The following WDR97 variants were observed in gnomAD, a reference collection of about 807,000 sequenced individuals.
The protein encoded by WDR97 is WD repeat-containing protein 97.
A neutral mutation model predicts 65.4 loss-of-function variants in WDR97; 111 were observed. That is an observed-to-expected ratio of 1.70 (90% CI 1.45 to 1.99). The LOEUF (loss-of-function observed/expected upper bound fraction) is 1.99. WDR97 is among the 30% of genes most tolerant of loss of function. The pLI is 0.00. For missense variants in WDR97, 1,674 were observed against 865.0 expected, an observed-to-expected ratio of 1.94 and a Z score of -11.73; for synonymous variants, 802 against 397.7, an observed-to-expected ratio of 2.02 and a Z score of -12.10.
In WDR97 at chr8:144,114,298, G is replaced by A. The variant is rs558993928; in HGVS notation, c.3615G>A (p.Thr1205=). The change falls in exon 19 of 24, where the codon ACG becomes ACA. Residue 1205 remains threonine, a synonymous_variant. Transcript: ENST00000323662. ...FSLQAYPEAG[T]IEGLASLLVA... ...TGCAGGCATACCCGGAGGCGGGCAC[G>A]ATCGAGGGCCTGGCCTCGCTGTTGG... 1.2e-4 allele frequency: 84 copies of A among 701,744 alleles called. No homozygotes were observed. Among genetic ancestry groups the A allele is most frequent in the Middle Eastern group, 6.9e-4 (3 of 4,370 alleles). The allele number at this position is 701,744 out of a possible 1,614,324, so 43.5% of individuals were successfully genotyped here.
Position 144,111,004 on chromosome 8 carries a change from G to A in WDR97, c.2304+8G>A, listed in dbSNP as rs1836536365. 1.4e-6 allele frequency: 1 copy of A among 702,650 alleles called. No homozygotes were observed. Among genetic ancestry groups the A allele is most frequent in the African/African-American group, 1.7e-5 (1 of 57,250 alleles). 43.5% of individuals were successfully genotyped at this position (702,650 alleles called of 1,614,324 possible). The stretch of plus-strand genomic sequence containing the variant: ...ACATCCTACCTAGTTAAGGTGTGTG[G>A]TGAGGACAGAGTGAGCAAGGTGGGC... On this transcript the variant is annotated splice_region_variant and intron_variant, in intron 9 of 23. Transcript: ENST00000323662.
chr8:144,117,751 G>A lies in WDR97; in HGVS notation c.*1458G>A, dbSNP rs984975270. The A allele has an allele frequency of 6.6e-6, 1 of 152,294 alleles. No individual in the cohort carries two copies. Among genetic ancestry groups the A allele is most frequent in the Non-Finnish European group, 1.5e-5 (1 of 68,132 alleles). The allele number at this position is 152,294 out of a possible 1,614,324, so 9.4% of individuals were successfully genotyped here. On this transcript the variant is annotated 3_prime_UTR_variant, in exon 24 of 24. Transcript: ENST00000323662. ...CTTCCTCAGCCTCCTGAGTAGCTGG[G>A]ATTACAGGCATGTGCCACCACGCCC...
chr8:144,109,641 C>A lies in WDR97; in HGVS notation c.1307C>A (p.Ala436Glu). 1 of 674,082 alleles carries A rather than the reference C, an allele frequency of 1.5e-6. No homozygotes were observed. 41.8% of individuals were successfully genotyped at this position (674,082 alleles called of 1,614,324 possible). A position where few individuals can be genotyped will look rare whatever the true frequency, so the allele number is the denominator to read the frequency against. Residue 436 changes from alanine to glutamate, a missense_variant, in exon 5 of 24, where the codon GCG becomes GAG. Transcript: ENST00000323662. ...LHVQVAPALPAPAHQSLPTRL... is the reference protein window; with the variant it reads ...LHVQVAPALPEPAHQSLPTRL... Reference sequence around the variant, plus strand: ...GTGCAGGTGGCGCCCGCGTTGCCCGCGCCTGCGCACCAGTCGCTGCCTACG... The same window carrying A: ...GTGCAGGTGGCGCCCGCGTTGCCCGAGCCTGCGCACCAGTCGCTGCCTACG...
chr8:144,111,643 C>T lies in WDR97; in HGVS notation c.2499C>T (p.Ala833=), dbSNP rs1218768587. ...GAACCCTGACTCAGGACTTGGACGC[C>T]ATAGTGGCCCGGGACCGAGACCTTC... ...QHLVPKEDLD[A]IVARDRDLQQ... Residue 833 remains alanine, a synonymous_variant, in exon 12 of 24, where the codon GCC becomes GCT. Coordinates refer to ENST00000323662, the MANE Select transcript of WDR97 (RefSeq NM_001316309.2). The T allele has an allele frequency of 1.4e-6, 1 of 691,496 alleles. No homozygotes were observed. The highest frequency in any genetic ancestry group is 1.8e-5 in the African/African-American group (1 of 56,978). 42.8% of individuals were successfully genotyped at this position (691,496 alleles called of 1,614,324 possible).
In WDR97 at chr8:144,111,963, G is replaced by A; in HGVS notation, c.2714G>A (p.Cys905Tyr). The change falls in exon 13 of 24, where the codon TGT (cysteine) becomes TAT (tyrosine). Residue 905 changes from cysteine to tyrosine, a missense_variant. By Grantham distance (194) the Cys-to-Tyr change is radical (BLOSUM62 -2). Coordinates refer to ENST00000323662, the MANE Select transcript of WDR97 (RefSeq NM_001316309.2). ...LRVERETRDV[C>Y]AVPQAAHCLA... ...GTGGAGAGAGAGACCCGGGATGTGT[G>A]TGCTGTACCCCAAGCTGCCCACTGT... 1.4e-6 allele frequency: 1 copy of A among 699,176 alleles called. No individual in the cohort carries two copies. The highest frequency in any genetic ancestry group is 2.6e-6 in the Non-Finnish European group (1 of 384,928). 43.3% of individuals were successfully genotyped at this position (699,176 alleles called of 1,614,324 possible).
chr8:144,112,342 A>G lies in WDR97; in HGVS notation c.3014A>G (p.Gln1005Arg), dbSNP rs956121017. The change falls in exon 14 of 24, where the codon CAG becomes CGG. Residue 1005 changes from glutamine (Q) to arginine (R), a missense_variant. Transcript: ENST00000323662. Reference sequence around the variant, plus strand: ...CTGGACCTGCCATCCTCCCACTTGCAGTGCAGGGTGAGGGACCCAGGCAGG... The same window carrying G: ...CTGGACCTGCCATCCTCCCACTTGCGGTGCAGGGTGAGGGACCCAGGCAGG... Reference protein sequence around the residue: ...MALDLPSSHLQCRIPLLPKRW... With the variant: ...MALDLPSSHLRCRIPLLPKRW... 2.8e-6 allele frequency: 2 copies of G among 702,584 alleles called. No individual in the cohort carries two copies. The highest frequency in any genetic ancestry group is 1.7e-5 in the African/African-American group (1 of 57,246). 43.5% of individuals were successfully genotyped at this position (702,584 alleles called of 1,614,324 possible).
Position 144,115,385 on chromosome 8 carries a change from C to T in WDR97, c.4122C>T (p.Arg1374=), listed in dbSNP as rs1272606278. 3.2e-6 allele frequency: 2 copies of T among 623,970 alleles called. No individual in the cohort carries two copies. The highest frequency in any genetic ancestry group is 2.8e-5 in the East Asian group (1 of 36,264). 38.7% of individuals were successfully genotyped at this position (623,970 alleles called of 1,614,324 possible). Residue 1374 remains arginine, a synonymous_variant, in exon 22 of 24, where the codon CGC becomes CGT. Transcript: ENST00000323662. ...CAGTGGTCTCTGGGGCACCCACACGCGCCTCCGTGATACCCTCGGGCACCT... is the reference window on the plus strand; with the variant it reads ...CAGTGGTCTCTGGGGCACCCACACGTGCCTCCGTGATACCCTCGGGCACCT... ...QTSVVSGAPT[R]ASVIPSGTSW...
chr8:144,115,730 C>T lies in WDR97; in HGVS notation c.4467C>T (p.Phe1489=). The T allele has an allele frequency of 1.4e-6, 1 of 701,614 alleles. No homozygotes were observed. Among genetic ancestry groups the T allele is most frequent in the Non-Finnish European group, 2.6e-6 (1 of 384,436 alleles). 43.5% of individuals were successfully genotyped at this position (701,614 alleles called of 1,614,324 possible). A position where few individuals can be genotyped will look rare whatever the true frequency, so the allele number is the denominator to read the frequency against. ...LDLGPIDALN[F]FCEQLRAQQR... is the part of the protein sequence containing the mutation. ...TGGGCCCCATCGACGCGCTCAACTT[C>T]TTCTGTGAGCAGCTGCGGGCGCAGC... Residue 1489 remains phenylalanine (F), a synonymous_variant, in exon 22 of 24, where the codon TTC becomes TTT. Transcript: ENST00000323662.
In WDR97 at chr8:144,108,351, G is replaced by C. The variant is rs552272926; in HGVS notation, c.285G>C (p.Thr95=). ...CCGAGCTGCGCGCGGCGCGCCTGAC[G>C]CATGGGCTGGAACCACTGCGCCGCC... ...KRAELRAARL[T]HGLEPLRRLE... The change falls in exon 3 of 24, where the codon ACG becomes ACC. Residue 95 remains threonine, a synonymous_variant. Coordinates refer to ENST00000323662, the MANE Select transcript of WDR97 (RefSeq NM_001316309.2). 1.4e-5 allele frequency: 10 copies of C among 695,578 alleles called. No homozygotes were observed. The African/African-American group carries it at 1.6e-4, about 11-fold the overall frequency. 43.1% of individuals were successfully genotyped at this position (695,578 alleles called of 1,614,324 possible). A position where few individuals can be genotyped will look rare whatever the true frequency, so the allele number is the denominator to read the frequency against.
intron 15 of WDR97, chr8:144,113,058 T>G: frequency 2.8e-6 from 1 of 363,412 alleles, no homozygotes; most frequent in Non-Finnish European, 5.0e-6. Flanking sequence ...GCCACCATCA[T>G]GCTCTTCATT....
At position 144,114,109 on chromosome 8, in the gene WDR97, T is replaced by C. The variant is rs965152273; in HGVS notation, c.3541T>C (p.Phe1181Leu). ...HYGHLPKFLHFFIYQTWFKKL... is the reference protein window; with the variant it reads ...HYGHLPKFLHLFIYQTWFKKL... ...CGGGCATCTGCCCAAGTTTCTGCAT[T>C]TCTTCATCTACCAGACCTGGTTCAA... The change falls in exon 18 of 24, where the codon TTC becomes CTC. Residue 1181 changes from phenylalanine to leucine, a missense_variant. By Grantham distance (22) the Phe-to-Leu change is conservative. Transcript: ENST00000323662. The C allele has an allele frequency of 1.4e-5, 10 of 702,734 alleles. No individual in the cohort carries two copies. Among genetic ancestry groups the C allele is most frequent in the Non-Finnish European group, 2.6e-5 (10 of 384,996 alleles). The allele number at this position is 702,734 out of a possible 1,614,324, so 43.5% of individuals were successfully genotyped here.
At position 144,108,600 on chromosome 8, in the gene WDR97, G is replaced by A. The variant is rs1211954848; in HGVS notation, c.534G>A (p.Arg178=). ...GWGPAGLAIL[R]PNLSLLWLSE... is the part of the protein sequence containing the mutation. ...GCCCCGCGGGGCTGGCAATTCTGAGGCCCAACCTCAGCCTGCTGTGGCTGA... is the reference window on the plus strand; with the variant it reads ...GCCCCGCGGGGCTGGCAATTCTGAGACCCAACCTCAGCCTGCTGTGGCTGA... Residue 178 remains arginine, a synonymous_variant, in exon 3 of 24, where the codon AGG becomes AGA. Coordinates refer to ENST00000323662, the MANE Select transcript of WDR97 (RefSeq NM_001316309.2). The A allele has an allele frequency of 1.0e-5, 7 of 700,654 alleles. No homozygotes were observed. Among genetic ancestry groups the A allele is most frequent in the Non-Finnish European group, 1.6e-5 (6 of 384,484 alleles). 43.4% of individuals were successfully genotyped at this position (700,654 alleles called of 1,614,324 possible).
At position 144,112,515 on chromosome 8, in the gene WDR97, C is replaced by T. The variant is rs1287414705; in HGVS notation, c.3090C>T (p.Thr1030=). The stretch of plus-strand genomic sequence containing the variant: ...GCCTCAGGGGCTTCTTTCCTGCCAC[C>T]GTGCAGCCCCACAAGGTGAGACCCC... ...LSSLRGFFPA[T]VQPHKHCLRP... The change falls in exon 15 of 24, where the codon ACC becomes ACT. Residue 1030 remains threonine (T), a synonymous_variant. Coordinates refer to ENST00000323662, the MANE Select transcript of WDR97 (RefSeq NM_001316309.2). 1.3e-5 allele frequency: 9 copies of T among 702,548 alleles called. No homozygotes were observed. Among genetic ancestry groups the T allele is most frequent in the African/African-American group, 3.5e-5 (2 of 57,250 alleles). The allele number at this position is 702,548 out of a possible 1,614,324, so 43.5% of individuals were successfully genotyped here. A position where few individuals can be genotyped will look rare whatever the true frequency, so the allele number is the denominator to read the frequency against.
chr8:144,109,125 T>C lies in WDR97; in HGVS notation c.955T>C (p.Trp319Arg). 4.3e-6 allele frequency: 3 copies of C among 702,948 alleles called. 1 individual carries two copies. Among genetic ancestry groups the C allele is most frequent in the Non-Finnish European group, 7.8e-6 (3 of 384,984 alleles). 43.5% of individuals were successfully genotyped at this position (702,948 alleles called of 1,614,324 possible). Residue 319 changes from tryptophan (W) to arginine (R), a missense_variant, in exon 4 of 24, where the codon TGG becomes CGG. Physicochemically the swap from Trp to Arg is moderately radical, Grantham distance 101. Transcript: ENST00000323662. Reference protein sequence around the residue: ...TASRDSTVKVWEADWQIRMVF... With the variant: ...TASRDSTVKVREADWQIRMVF... ...TTCCCGGGACAGCACCGTGAAGGTGTGGGAGGCTGACTGGCAGATCCGGAT... is the reference window on the plus strand; with the variant it reads ...TTCCCGGGACAGCACCGTGAAGGTGCGGGAGGCTGACTGGCAGATCCGGAT...
At position 144,118,090 on chromosome 8, in the gene WDR97, A is replaced by C. The variant is rs1490252721; in HGVS notation, c.*1797A>C. Reference sequence around the variant, plus strand: ...GGGAGTTATAAGCCAGGAACTGTGGATGGAAACCAATGACAGATATCATAA... The same window carrying C: ...GGGAGTTATAAGCCAGGAACTGTGGCTGGAAACCAATGACAGATATCATAA... On this transcript the variant is annotated 3_prime_UTR_variant, in exon 24 of 24. Transcript: ENST00000323662. The C allele has an allele frequency of 7.9e-5, 12 of 152,220 alleles. No homozygotes were observed. The highest frequency in any genetic ancestry group is 2.7e-4 in the African/African-American group (11 of 41,462). 9.4% of individuals were successfully genotyped at this position (152,220 alleles called of 1,614,324 possible).
rs1416285836 is a variant in WDR97 at position 144,115,607 on chromosome 8, G to GCCCGAGGCCCGCCTGCAC, written c.4347_4364dup (p.Glu1450_Pro1455dup). The GCCCGAGGCCCGCCTGCAC allele has an allele frequency of 1.5e-6, 1 of 681,854 alleles. No homozygotes were observed. The highest frequency in any genetic ancestry group is 2.7e-6 in the Non-Finnish European group (1 of 372,444). The allele number at this position is 681,854 out of a possible 1,614,324, so 42.2% of individuals were successfully genotyped here. A position where few individuals can be genotyped will look rare whatever the true frequency, so the allele number is the denominator to read the frequency against. ...AGACGCTGAAGAGCTTCTGCCTGGA[G>GCCCGAGGCCCGCCTGCAC]CCCGAGGCCCGCCTGCACCCTGCCG... On this transcript the variant is annotated inframe_insertion, in exon 22 of 24. Coordinates refer to ENST00000323662, the MANE Select transcript of WDR97 (RefSeq NM_001316309.2).
chr8:144,115,847 G>A lies in WDR97; in HGVS notation c.4584G>A (p.Pro1528=), dbSNP rs1213386299. The A allele has an allele frequency of 2.2e-5, 15 of 690,080 alleles. No individual in the cohort carries two copies. Among genetic ancestry groups the A allele is most frequent in the Non-Finnish European group, 3.4e-5 (13 of 377,026 alleles). The allele number at this position is 690,080 out of a possible 1,614,324, so 42.7% of individuals were successfully genotyped here. The part of the protein sequence containing the change: ...APVPDMVVPP[P]REHWYHPILR... Reference sequence around the variant, plus strand: ...TGCCCGACATGGTGGTGCCACCTCCGCGGGAGCACTGGTGCGCGGGGCCTG... The same window carrying A: ...TGCCCGACATGGTGGTGCCACCTCCACGGGAGCACTGGTGCGCGGGGCCTG... The change falls in exon 22 of 24, where the codon CCG becomes CCA. Residue 1528 remains proline (P), a synonymous_variant. Coordinates refer to ENST00000323662, the MANE Select transcript of WDR97 (RefSeq NM_001316309.2).
Position 144,112,442 on chromosome 8 carries a change from C to G in WDR97, c.3022-5C>G. 1.4e-6 allele frequency: 1 copy of G among 702,688 alleles called. No individual in the cohort carries two copies. Among genetic ancestry groups the G allele is most frequent in the South Asian group, 1.5e-5 (1 of 67,608 alleles). The allele number at this position is 702,688 out of a possible 1,614,324, so 43.5% of individuals were successfully genotyped here. A position where few individuals can be genotyped will look rare whatever the true frequency, so the allele number is the denominator to read the frequency against. Reference sequence around the variant, plus strand: ...GTTGTTCTGAGCCCCCATTCCATCCCCCAGATCCCACTGCTGCCAAAGAGA... The same window carrying G: ...GTTGTTCTGAGCCCCCATTCCATCCGCCAGATCCCACTGCTGCCAAAGAGA... On this transcript the variant is annotated splice_region_variant and splice_polypyrimidine_tract_variant and intron_variant, in intron 14 of 23. Transcript: ENST00000323662.
rs1171443187 is a variant in WDR97 at position 144,113,680 on chromosome 8, G to A, written c.3207G>A (p.Leu1069=). ...AGCCAGGGGCAAGCCAGGATGCCCT[G>A]TGGTTGTGGCGCCCCAGGCCATCCC... ...NAEPGASQDA[L]WLWRPRPSQT... is the part of the protein sequence containing the mutation. Residue 1069 remains leucine, a synonymous_variant, in exon 17 of 24, where the codon CTG becomes CTA. Coordinates refer to ENST00000323662, the MANE Select transcript of WDR97 (RefSeq NM_001316309.2). The A allele has an allele frequency of 1.9e-5, 13 of 666,900 alleles. No homozygotes were observed. Among genetic ancestry groups the A allele is most frequent in the Non-Finnish European group, 3.3e-5 (12 of 364,084 alleles). 41.3% of individuals were successfully genotyped at this position (666,900 alleles called of 1,614,324 possible). A position where few individuals can be genotyped will look rare whatever the true frequency, so the allele number is the denominator to read the frequency against.
Sources: allele counts gnomAD v4.1 joint callset, GRCh38; gene constraint gnomAD v4.1.1; transcripts MANE v1.5; gene names NCBI Gene and HGNC (gene_info 2026-07-23, HGNC 2026-07-21).